Variants in TBC1D30 observed in about 807,000 individuals in gnomAD.
The protein encoded by TBC1D30 is TBC1 domain family member 30.
In TBC1D30, 31 loss-of-function variants were observed where a neutral mutation model predicts 63.2. The ratio of observed to expected loss-of-function variants is 0.49; its 90% CI spans 0.37 to 0.66. TBC1D30 has a LOEUF of 0.66. Among genes scored for constraint, TBC1D30 ranks in the 30% least tolerant of loss-of-function variants. The probability of loss-of-function intolerance (pLI) is 0.00; values close to 1 mark genes in which losing one functional copy is unlikely to be tolerated. For synonymous variants in TBC1D30, 307 were observed against 361.5 expected (o/e 0.85, Z 1.71); for missense variants, 810 against 953.6 (o/e 0.85, Z 1.98).
chr12:64,782,726 T>A (rs1308741814), intron 1 of TBC1D30, among the ~76,000 whole-genome samples: 1 of 152,242 alleles, frequency 6.6e-6, no homozygotes, highest in East Asian at 1.9e-4. Context: ...GTGGATTTCA[T>A]ATGAGTGGCC....
At chr12:64,784,559 A>C (rs1871453190) in intron 1 of TBC1D30, among the ~76,000 whole-genome samples, 2 of 150,914 alleles carry the variant, frequency 1.3e-5, no homozygotes, top group African/African-American at 4.9e-5. Flanking sequence ...GTTGAGTGGA[A>C]GGCTTTGCCT....
intron 1 of TBC1D30, among the ~76,000 whole-genome samples, chr12:64,767,986 A>G (rs1165710976): frequency 6.6e-6 from 1 of 152,098 alleles, no homozygotes; most frequent in African/African-American, 2.4e-5. Flanking sequence ...GGTGCAATAC[A>G]TTGTATGCTT....
At chr12:64,793,592 C>T (rs1257208224) in intron 2 of TBC1D30, among the ~76,000 whole-genome samples, 2 of 152,036 alleles carry the variant, frequency 1.3e-5, no homozygotes, top group East Asian at 1.9e-4. Flanking sequence ...ACCTGGGAGG[C>T]GGAGGTTGCA....
At chr12:64,854,166 C>T (rs866997764) in intron 8 of TBC1D30, among the ~76,000 whole-genome samples, 5 of 151,942 alleles carry the variant, frequency 3.3e-5, no homozygotes, top group African/African-American at 9.7e-5. Flanking sequence ...TTCTTTCCTT[C>T]GTTTCTGTCT....
intron 8 of TBC1D30, among the ~76,000 whole-genome samples, chr12:64,849,742 T>A (rs1242500743): frequency 6.6e-6 from 1 of 152,172 alleles, no homozygotes; most frequent in Non-Finnish European, 1.5e-5. Context: ...CTTAGGAGTG[T>A]CTTGGCTATA....
At chr12:64,827,284 A>G (rs1478182836) in intron 1 of TBC1D30, among the ~76,000 whole-genome samples, 1 of 152,150 alleles carries the variant, frequency 6.6e-6, no homozygotes, top group Non-Finnish European at 1.5e-5. Flanking sequence ...ACCCTGTTCT[A>G]CAAAAAATAC....
At chr12:64,791,670 C>T (rs1263787792) in intron 2 of TBC1D30, among the ~76,000 whole-genome samples, 2 of 151,370 alleles carry the variant, frequency 1.3e-5, no homozygotes, top group Admixed American at 6.6e-5. Flanking sequence ...TGCCACCACA[C>T]CTGGCTAATT....
chr12:64,834,548 A>G (rs1875158651), intron 5 of TBC1D30, among the ~76,000 whole-genome samples: 1 of 151,614 alleles, frequency 6.6e-6, no homozygotes, highest in African/African-American at 2.4e-5. Flanking sequence ...CTGGGATTAC[A>G]GGTATACACC....
intron 2 of TBC1D30, among the ~76,000 whole-genome samples, chr12:64,794,222 A>C (rs1010599271): frequency 6.6e-6 from 1 of 152,058 alleles, no homozygotes; most frequent in African/African-American, 2.4e-5. Context: ...CCTGAAATAC[A>C]ACAATCATGT....
At chr12:64,872,997 G>C (rs1004690124) in intron 11 of TBC1D30, among the ~76,000 whole-genome samples, 27 of 152,296 alleles carry the variant, frequency 1.8e-4, no homozygotes, top group African/African-American at 6.3e-4. Context: ...GATGAGATTT[G>C]GGTGGGGATA....
At chr12:64,832,526 A>C (rs1389687226) in intron 5 of TBC1D30, among the ~76,000 whole-genome samples, 1 of 152,252 alleles carries the variant, frequency 6.6e-6, no homozygotes, top group Non-Finnish European at 1.5e-5. Flanking sequence ...CTCATTTATA[A>C]GACATCATAT....
chr12:64,828,320 C>A, intron 2 of TBC1D30, 124 bp from the exon 3 acceptor site: 1 of 695,530 alleles, frequency 1.4e-6, no homozygotes, highest in Non-Finnish European at 2.5e-6. Context: ...GAAGCTTTGA[C>A]TGTTTACCCC....
chr12:64,858,360 G>A (rs571357343), intron 8 of TBC1D30, among the ~76,000 whole-genome samples: 45 of 152,248 alleles, frequency 3.0e-4, no homozygotes, highest in South Asian at 1.5e-3. Flanking sequence ...GTCTTTTACC[G>A]TAGCCACTAC....
intron 2 of TBC1D30, among the ~76,000 whole-genome samples, chr12:64,803,494 T>G (rs1471987058): frequency 6.6e-6 from 1 of 152,200 alleles, no homozygotes; most frequent in African/African-American, 2.4e-5. Flanking sequence ...CAGAAGCTCT[T>G]TAGTTTAATT....
In TBC1D30 at chr12:64,816,064, G is replaced by A. The variant is rs555171736; in HGVS notation, c.644-11771G>A. ...TTTTTTTTTTTTGAGATGGAGTCTC[G>A]CTCTGTTGCCCAGGCTGGAGCGCAG... On this transcript the variant is annotated intron_variant, in intron 2 of 12. Coordinates refer to the TBC1D30 transcript ENST00000542120. 1.1e-4 allele frequency among the ~76,000 whole-genome samples: 17 copies of A among 148,042 alleles called. No homozygotes were observed. In the South Asian group the frequency reaches 1.5e-3, roughly 13 times the overall value.
intron 7 of TBC1D30, among the ~76,000 whole-genome samples, chr12:64,839,373 C>A (rs981363753): frequency 6.6e-6 from 1 of 152,000 alleles, no homozygotes; most frequent in East Asian, 1.9e-4. Context: ...AACATATTAC[C>A]AAATAGATTT....
intron 6 of TBC1D30, among the ~76,000 whole-genome samples, chr12:64,838,379 C>T (rs932111872): frequency 1.3e-5 from 2 of 152,140 alleles, no homozygotes; most frequent in African/African-American, 4.8e-5. Context: ...TCTTTTTCTT[C>T]TGTTTTTGGT....
chr12:64,767,599 C>T (rs1021103992), intron 1 of TBC1D30, among the ~76,000 whole-genome samples: 1 of 152,112 alleles, frequency 6.6e-6, no homozygotes, highest in Middle Eastern at 3.4e-3. Context: ...GTTATGTTAA[C>T]TCATCTCTGT....
chr12:64,851,718 G>A (rs980251704), intron 8 of TBC1D30, among the ~76,000 whole-genome samples: 1 of 152,130 alleles, frequency 6.6e-6, no homozygotes, highest in African/African-American at 2.4e-5. Context: ...AGGCAGGCCT[G>A]GTGGTAACAA....
Sources: gnomAD v4.1 joint callset for allele counts (sites outside exome capture counted in the v4.1 genomes callset) on GRCh38, gnomAD v4.1.1 for gene constraint, MANE v1.5 for transcripts, NCBI Gene and HGNC (gene_info 2026-07-23, HGNC 2026-07-21) for gene names.